The following KCNH8 variants were observed in gnomAD, a reference collection of about 807,000 sequenced individuals.
KCNH8 encodes potassium voltage-gated channel subfamily H member 8.
A neutral mutation model predicts 103.6 loss-of-function variants in KCNH8; 70 were observed. The observed-to-expected ratio is 0.68, with a 90% CI of 0.56 to 0.82. The LOEUF is 0.82. Among genes scored for constraint, KCNH8 ranks in the 40% least tolerant of loss-of-function variants. The pLI is 0.00. For missense variants in KCNH8, 1,217 were observed against 1,329.9 expected (o/e 0.92, Z 1.32); for synonymous variants, 498 against 489.4 (o/e 1.02, Z -0.23).
intron 11 of KCNH8, among the ~76,000 whole-genome samples, chr3:19,485,952 C>G (rs1403969464): frequency 1.3e-5 from 2 of 152,126 alleles, no homozygotes; most frequent in African/African-American, 4.8e-5. Context: ...AAAGGCATAT[C>G]GAGAGTCAGT....
chr3:19,163,682 C>T (rs560022435), intron 1 of KCNH8, among the ~76,000 whole-genome samples: 5 of 152,194 alleles, frequency 3.3e-5, no homozygotes, highest in African/African-American at 9.6e-5. Flanking sequence ...GTTTGAATTG[C>T]GCGAGTCCAC....
chr3:19,394,662 C>G (rs2066488190), intron 6 of KCNH8, among the ~76,000 whole-genome samples: 1 of 152,000 alleles, frequency 6.6e-6, no homozygotes, highest in Non-Finnish European at 1.5e-5. Flanking sequence ...TTTATTATCA[C>G]TTTCTGTGCC....
At chr3:19,323,127 T>G (rs1387037561) in intron 3 of KCNH8, among the ~76,000 whole-genome samples, 1 of 152,148 alleles carries the variant, frequency 6.6e-6, no homozygotes, top group African/African-American at 2.4e-5. Flanking sequence ...GATTTTACCT[T>G]TCTTTGGTGC....
intron 2 of KCNH8, among the ~76,000 whole-genome samples, chr3:19,269,863 G>T (rs542804212): frequency 9.2e-5 from 14 of 152,230 alleles, no homozygotes; most frequent in African/African-American, 3.1e-4. Flanking sequence ...AAACTGGAAA[G>T]AAAATGTCTA....
intron 7 of KCNH8, among the ~76,000 whole-genome samples, chr3:19,400,263 A>C (rs2066593058): frequency 6.7e-6 from 1 of 148,538 alleles, no homozygotes; most frequent in Admixed American, 6.8e-5. Context: ...AAAGCATCAT[A>C]ATGTCAGACA....
At chr3:19,419,915 T>C (rs1230092926) in intron 7 of KCNH8, among the ~76,000 whole-genome samples, 2 of 152,190 alleles carry the variant, frequency 1.3e-5, no homozygotes, top group Admixed American at 6.5e-5. Context: ...TACTTAAAAT[T>C]TGCCTTTGGC....
chr3:19,201,370 T>C (rs1047017904), intron 1 of KCNH8, among the ~76,000 whole-genome samples: 5 of 151,900 alleles, frequency 3.3e-5, no homozygotes, highest in Non-Finnish European at 7.4e-5. Flanking sequence ...TCTAGATGTT[T>C]TCTAACATTC....
chr3:19,257,553 A>G (rs1363184084), intron 2 of KCNH8, among the ~76,000 whole-genome samples: 1 of 152,052 alleles, frequency 6.6e-6, no homozygotes, highest in African/African-American at 2.4e-5. Flanking sequence ...TCATGATTGG[A>G]TGTACCAGCC....
chr3:19,280,792 CTAAA>C (rs1413107657), intron 2 of KCNH8, among the ~76,000 whole-genome samples: 1 of 151,928 alleles, frequency 6.6e-6, no homozygotes, highest in Non-Finnish European at 1.5e-5. Context: ...TTTAAATTGA[CTAAA>C]TAAACCTCTG....
In KCNH8 at chr3:19,259,295, C is replaced by T. The variant is rs896234422; in HGVS notation, c.310+5408C>T. ...ATGAATACAAAACCAGGATTACTAA[C>T]TTCAAATAGAAGGCAAACATAAATA... is the stretch of plus-strand genomic sequence containing the variant. On this transcript the variant is annotated intron_variant, in intron 2 of 15. Coordinates refer to ENST00000328405, the MANE Select transcript of KCNH8 (RefSeq NM_144633.3). 2.0e-5 allele frequency among the ~76,000 whole-genome samples: 3 copies of T among 149,604 alleles called. No homozygotes were observed. The East Asian group carries it at 5.8e-4, about 29-fold the overall frequency.
chr3:19,212,013 A>T (rs2063776067), intron 1 of KCNH8, among the ~76,000 whole-genome samples: 1 of 152,178 alleles, frequency 6.6e-6, no homozygotes, highest in Non-Finnish European at 1.5e-5. Context: ...CCAGAATAAG[A>T]TTAGAAAGAC....
At chr3:19,184,182 A>G (rs111441580) in intron 1 of KCNH8, among the ~76,000 whole-genome samples, 2 of 152,204 alleles carry the variant, frequency 1.3e-5, no homozygotes, top group African/African-American at 4.8e-5. Context: ...TGTAAATTGG[A>G]TAAGTAAATT....
At chr3:19,253,563 T>C (rs2064306051) in intron 1 of KCNH8, 91 bp from the exon 2 acceptor site, 2 of 1,040,238 alleles carry the variant, frequency 1.9e-6, no homozygotes, top group East Asian at 2.4e-5. Flanking sequence ...GGCAGCTAGC[T>C]AAACACATAT....
chr3:19,291,084 G>A (rs2064916404), intron 3 of KCNH8, among the ~76,000 whole-genome samples: 1 of 152,074 alleles, frequency 6.6e-6, no homozygotes, highest in Non-Finnish European at 1.5e-5. Context: ...GGGATTGGTG[G>A]TGATATCCCC....
intron 3 of KCNH8, among the ~76,000 whole-genome samples, chr3:19,295,490 TTGA>T (rs1200940540): frequency 6.6e-6 from 1 of 152,186 alleles, no homozygotes; most frequent in Non-Finnish European, 1.5e-5. Context: ...ATATACATTC[TTGA>T]TGATGTTCGC....
chr3:19,447,140 G>A lies in KCNH8; in HGVS notation c.1376-2966G>A, dbSNP rs928514303. ...TATAGAAGTTCTTGAGTCAAACTTTGATAACAGATGGAATGATGTTTCCTG... is the reference window on the plus strand; with the variant it reads ...TATAGAAGTTCTTGAGTCAAACTTTAATAACAGATGGAATGATGTTTCCTG... On this transcript the variant is annotated intron_variant, in intron 8 of 15. Transcript: ENST00000328405. Among the ~76,000 whole-genome samples the A allele has an allele frequency of 2.6e-5, 4 of 152,106 alleles. No individual in the cohort carries two copies. In the South Asian group the frequency reaches 8.3e-4, roughly 32 times the overall value.
intron 8 of KCNH8, among the ~76,000 whole-genome samples, chr3:19,439,544 C>T (rs1322119883): frequency 6.6e-6 from 1 of 152,136 alleles, no homozygotes; most frequent in African/African-American, 2.4e-5. Flanking sequence ...AAAGCTATCA[C>T]CCTCCTTTAT....
At chr3:19,247,255 A>G (rs1399344263) in intron 1 of KCNH8, among the ~76,000 whole-genome samples, 1 of 152,236 alleles carries the variant, frequency 6.6e-6, no homozygotes, top group African/African-American at 2.4e-5. Context: ...GGCAGAAGTC[A>G]TGCTGTAAAC....
chr3:19,163,808 T>A (rs2063256894), intron 1 of KCNH8, among the ~76,000 whole-genome samples: 1 of 152,214 alleles, frequency 6.6e-6, no homozygotes, highest in Non-Finnish European at 1.5e-5. Flanking sequence ...ATGAAGACCT[T>A]TATGATTATC....
Sources: gnomAD v4.1 joint callset for allele counts (sites outside exome capture counted in the v4.1 genomes callset) on GRCh38, gnomAD v4.1.1 for gene constraint, MANE v1.5 for transcripts, NCBI Gene and HGNC (gene_info 2026-07-23, HGNC 2026-07-21) for gene names.